SLC35F4: variants seen among roughly 807,000 people sequenced by gnomAD.
The protein encoded by SLC35F4 is solute carrier family 35 member F4.
A neutral mutation model predicts 44.2 loss-of-function variants in SLC35F4; 24 were observed. The ratio of observed to expected loss-of-function variants is 0.54; its 90% CI spans 0.39 to 0.76. SLC35F4 has a LOEUF of 0.76. SLC35F4 is among the 30% of genes least tolerant of loss of function. The probability of loss-of-function intolerance (pLI) is 0.00; values close to 1 mark genes in which losing one functional copy is unlikely to be tolerated. For missense variants in SLC35F4, 562 were observed against 586.1 expected, an observed-to-expected ratio of 0.96 and a Z score of 0.42; for synonymous variants, 238 against 223.6, an observed-to-expected ratio of 1.06 and a Z score of -0.57.
chr14:57,580,978 C>T (rs1025416109), intron 4 of SLC35F4: 1 of 366,160 alleles, frequency 2.7e-6, no homozygotes. Context: ...TTTTCTCTGC[C>T]TGTTTTAGTG....
At chr14:57,647,491 T>TGC in intron 1 of SLC35F4, among the ~76,000 whole-genome samples, 1 of 102,336 alleles carries the variant, frequency 9.8e-6, no homozygotes, top group East Asian at 3.2e-4. Context: ...ATGTGGCCAT[T>TGC]GTCTTGGAAT....
intron 4 of SLC35F4, among the ~76,000 whole-genome samples, chr14:57,573,114 C>T (rs1364458471): frequency 6.8e-6 from 1 of 146,956 alleles, no homozygotes; most frequent in Non-Finnish European, 1.5e-5. Context: ...TTCGGGGGCC[C>T]TTTTGAACAC....
intron 1 of SLC35F4, among the ~76,000 whole-genome samples, chr14:57,912,547 A>G (rs1889235167): frequency 6.6e-6 from 1 of 151,930 alleles, no homozygotes; most frequent in African/African-American, 2.4e-5. Context: ...TAGAAGTATG[A>G]TGTTTAACCT....
intron 1 of SLC35F4, among the ~76,000 whole-genome samples, chr14:57,845,254 C>A (rs971408947): frequency 3.9e-5 from 6 of 152,160 alleles, no homozygotes; most frequent in Admixed American, 3.3e-4. Flanking sequence ...GTAGACAGTT[C>A]TGGGGTCAAA....
intron 1 of SLC35F4, among the ~76,000 whole-genome samples, chr14:57,776,623 G>T (rs2077494554): frequency 7.6e-6 from 1 of 132,400 alleles, no homozygotes; most frequent in Non-Finnish European, 1.5e-5. Context: ...CCAAGATCAT[G>T]CCACTGCACT....
intron 1 of SLC35F4, among the ~76,000 whole-genome samples, chr14:57,675,187 A>C (rs1165077708): frequency 6.6e-6 from 1 of 152,040 alleles, no homozygotes; most frequent in Non-Finnish European, 1.5e-5. Context: ...AGTTATATAG[A>C]TGTATACATT....
At chr14:57,711,492 T>C (rs2075816924) in intron 1 of SLC35F4, among the ~76,000 whole-genome samples, 1 of 152,174 alleles carries the variant, frequency 6.6e-6, no homozygotes, top group African/African-American at 2.4e-5. Context: ...ATGGCCATTA[T>C]GAGACCATTT....
intron 1 of SLC35F4, among the ~76,000 whole-genome samples, chr14:57,725,626 C>T (rs1318079304): frequency 6.6e-6 from 1 of 152,194 alleles, no homozygotes; most frequent in Non-Finnish European, 1.5e-5. Context: ...CCTCATGGAA[C>T]TCACTGGTCT....
At chr14:57,578,208 G>A (rs761210806) in intron 4 of SLC35F4, among the ~76,000 whole-genome samples, 52 of 151,480 alleles carry the variant, frequency 3.4e-4, no homozygotes, top group South Asian at 8.4e-4. Flanking sequence ...CTCATTCCTG[G>A]GGAGCTAAGC....
At chr14:57,594,214 G>C (rs1206166411) in intron 1 of SLC35F4, 90 bp from the exon 2 acceptor site, 1 of 1,271,840 alleles carries the variant, frequency 7.9e-7, no homozygotes, top group Non-Finnish European at 1.1e-6. Flanking sequence ...TTTGGAAACA[G>C]GGTCTCACTC....
At chr14:57,793,591 T>A (rs1323484509) in intron 1 of SLC35F4, among the ~76,000 whole-genome samples, 1 of 152,140 alleles carries the variant, frequency 6.6e-6, no homozygotes, top group Admixed American at 6.6e-5. Context: ...TATGGCTGAG[T>A]CATATTTCAT....
At chr14:57,858,694 GA>G (rs891491826) in intron 1 of SLC35F4, among the ~76,000 whole-genome samples, 2 of 147,174 alleles carry the variant, frequency 1.4e-5, no homozygotes. Flanking sequence ...AAAAAAGGAG[GA>G]AAAAAAAGAA....
At chr14:57,970,366 C>T (rs1221862371) in intron 1 of SLC35F4, among the ~76,000 whole-genome samples, 2 of 152,126 alleles carry the variant, frequency 1.3e-5, no homozygotes, top group South Asian at 2.1e-4. Flanking sequence ...TCAGGTCTAA[C>T]GGAAAGCCAT....
intron 1 of SLC35F4, among the ~76,000 whole-genome samples, chr14:57,614,778 T>C (rs2071713258): frequency 6.6e-6 from 1 of 152,162 alleles, no homozygotes; most frequent in Admixed American, 6.5e-5. Flanking sequence ...CAGCTCCCCA[T>C]AATGACTTCT....
intron 1 of SLC35F4, among the ~76,000 whole-genome samples, chr14:57,728,672 G>T (rs895946896): frequency 6.6e-6 from 1 of 151,612 alleles, no homozygotes; most frequent in East Asian, 1.9e-4. Flanking sequence ...CTAGTCTCAG[G>T]GGGAAGTCTC....
chr14:57,665,197 A>T (rs2074268163), intron 1 of SLC35F4, among the ~76,000 whole-genome samples: 1 of 152,066 alleles, frequency 6.6e-6, no homozygotes, highest in Admixed American at 6.6e-5. Context: ...AGAGAAATAG[A>T]CACCTGTCAG....
At chr14:57,935,660 C>G (rs1030306183) in intron 1 of SLC35F4, among the ~76,000 whole-genome samples, 2 of 152,180 alleles carry the variant, frequency 1.3e-5, no homozygotes, top group South Asian at 4.1e-4. Context: ...CTCTAAGGCC[C>G]AGATCCCCAA....
intron 1 of SLC35F4, among the ~76,000 whole-genome samples, chr14:57,761,284 C>G (rs2077118524): frequency 6.6e-6 from 1 of 152,160 alleles, no homozygotes; most frequent in South Asian, 2.1e-4. Context: ...GGCATCTTTT[C>G]TGATCAATCT....
At chr14:57,693,880 A>T (rs1242822332) in intron 1 of SLC35F4, among the ~76,000 whole-genome samples, 1 of 152,122 alleles carries the variant, frequency 6.6e-6, no homozygotes, top group Non-Finnish European at 1.5e-5. Context: ...TCAGAATTTG[A>T]GCACGTATCA....
Sources: allele counts gnomAD v4.1 joint callset (sites outside exome capture counted in the v4.1 genomes callset), GRCh38; gene constraint gnomAD v4.1.1; transcripts MANE v1.5; gene names NCBI Gene and HGNC (gene_info 2026-07-23, HGNC 2026-07-21).